Variants in MYEF2 observed in about 807,000 individuals in gnomAD.
MYEF2 encodes the protein myelin gene expression factor 2.
A neutral mutation model predicts 75.2 loss-of-function variants in MYEF2; 37 were observed. That is an observed-to-expected ratio of 0.49 (90% CI 0.38 to 0.65). The LOEUF (loss-of-function observed/expected upper bound fraction) is 0.65. MYEF2 is among the 30% of genes least tolerant of loss of function. The pLI is 0.00. For missense variants in MYEF2, 634 were observed against 771.4 expected, an observed-to-expected ratio of 0.82 and a Z score of 2.11; for synonymous variants, 195 against 241.6, an observed-to-expected ratio of 0.81 and a Z score of 1.79.
chr15:48,134,752 T>C lies in MYEF2; in HGVS notation c.*8156A>G, dbSNP rs1490145942. ...GTGTAAGTTAGAACACAATTTTACA[T>C]TTTTTTCTCTAAGCAATATGCAAAA... On this transcript the variant is annotated 3_prime_UTR_variant, in exon 17 of 17. Transcript: ENST00000324324. 9.8e-6 allele frequency: 8 copies of C among 814,430 alleles called. No homozygotes were observed. The highest frequency in any genetic ancestry group is 1.7e-5 in the African/African-American group (1 of 57,442). 50.5% of individuals were successfully genotyped at this position (814,430 alleles called of 1,614,324 possible).
Position 48,135,881 on chromosome 15 carries a change from C to T in MYEF2, c.*7027G>A, listed in dbSNP as rs2038886342. The T allele has an allele frequency of 6.6e-6, 1 of 152,118 alleles. No individual in the cohort carries two copies. The allele number at this position is 152,118 out of a possible 1,614,324, so 9.4% of individuals were successfully genotyped here. ...CTGTGTTGGTAGAATAGAAATCCTT[C>T]TAGAACTCAGCAGTTGTCTGTAAGG... On this transcript the variant is annotated 3_prime_UTR_variant, in exon 17 of 17. Coordinates refer to ENST00000324324, the MANE Select transcript of MYEF2 (RefSeq NM_016132.5).
intron 14 of MYEF2, among the ~76,000 whole-genome samples, chr15:48,150,760 G>A (rs1468603119): frequency 6.6e-6 from 1 of 152,042 alleles, no homozygotes; most frequent in Non-Finnish European, 1.5e-5. Flanking sequence ...AGCTATTATA[G>A]AAAATAAGCA....
At chr15:48,161,848 T>C (rs1426128466) in intron 5 of MYEF2, among the ~76,000 whole-genome samples, 1 of 147,380 alleles carries the variant, frequency 6.8e-6, no homozygotes, top group Non-Finnish European at 1.5e-5. Flanking sequence ...GCCATTATTT[T>C]AATTCAAAGC....
intron 16 of MYEF2, among the ~76,000 whole-genome samples, chr15:48,146,997 T>C (rs930074808): frequency 6.6e-6 from 1 of 151,882 alleles, no homozygotes; most frequent in South Asian, 2.1e-4. Context: ...ATATAAAATC[T>C]AAGAGTCAGA....
At chr15:48,167,503 T>C in intron 2 of MYEF2, 102 bp from the exon 3 acceptor site, 7 of 1,011,574 alleles carry the variant, frequency 6.9e-6, no homozygotes, top group Non-Finnish European at 1.0e-5. Context: ...GAGAAGCACC[T>C]ATTATTCACC....
chr15:48,159,389 T>C (rs899763309), intron 6 of MYEF2, among the ~76,000 whole-genome samples: 2 of 152,112 alleles, frequency 1.3e-5, no homozygotes, highest in South Asian at 2.1e-4. Context: ...CACAGTTCCA[T>C]GTTTAAAAAA....
rs756043366 is a variant in MYEF2 at position 48,158,087 on chromosome 15, AC to A, written c.922-32del. The A allele has an allele frequency of 2.5e-6, 4 of 1,608,740 alleles. No individual in the cohort carries two copies. The Admixed American group carries it at 6.7e-5, about 27-fold the overall frequency. On this transcript the variant is annotated intron_variant, in intron 8 of 16. Transcript: ENST00000324324. Reference sequence around the variant, plus strand: ...TGCAAGAAAGTTTATAATATGGTTAACATATTACCACAAAGAACTGTAATGT... The same window carrying A: ...TGCAAGAAAGTTTATAATATGGTTAAATATTACCACAAAGAACTGTAATGT...
At position 48,159,569 on chromosome 15, in the gene MYEF2, C is replaced by T. The variant is rs755189244; in HGVS notation, c.717+44G>A. The T allele has an allele frequency of 2.6e-6, 4 of 1,514,524 alleles. No individual in the cohort carries two copies. The Admixed American group carries it at 7.5e-5, about 28-fold the overall frequency. 93.8% of individuals were successfully genotyped at this position (1,514,524 alleles called of 1,614,324 possible). The stretch of plus-strand genomic sequence containing the variant: ...TAACTCATTCATTTAATCAAATTAG[C>T]TATCTATCTGAATGACAAATTTTAG... On this transcript the variant is annotated intron_variant, in intron 6 of 16. Coordinates refer to ENST00000324324, the MANE Select transcript of MYEF2 (RefSeq NM_016132.5).
rs183566272 is a variant in MYEF2, at chr15:48,159,739, G to T, written c.591C>A (p.His197Gln). 1.9e-6 allele frequency: 3 copies of T among 1,613,636 alleles called. No individual in the cohort carries two copies. The highest frequency in any genetic ancestry group is 2.2e-5 in the South Asian group (2 of 91,068). ...QRTGGSFPGG[H>Q]VPDMGSGLMN... ...TCAACCCTGATCCCATATCAGGGAC[G>T]TGTCCTCCTGGAAATGATCCTCCTG... The change falls in exon 6 of 17, where the codon CAC becomes CAA. Residue 197 changes from histidine to glutamine, a missense_variant. By Grantham distance (24) the His-to-Gln change is conservative. Transcript: ENST00000324324.
chr15:48,136,666 A>C lies in MYEF2; in HGVS notation c.*6242T>G, dbSNP rs984503831. ...ACTTTCACTTTTAATTTAAAAACACAAATTTCTCTTTTGTAGGTATGAAGG... is the reference window on the plus strand; with the variant it reads ...ACTTTCACTTTTAATTTAAAAACACCAATTTCTCTTTTGTAGGTATGAAGG... On this transcript the variant is annotated 3_prime_UTR_variant, in exon 17 of 17. Coordinates refer to ENST00000324324, the MANE Select transcript of MYEF2 (RefSeq NM_016132.5). 1 of 1,575,058 alleles carries C rather than the reference A, an allele frequency of 6.3e-7. No individual in the cohort carries two copies. Among genetic ancestry groups the C allele is most frequent in the African/African-American group, 1.4e-5 (1 of 73,108 alleles).
At position 48,159,203 on chromosome 15, in the gene MYEF2, G is replaced by A. The variant is rs115134813; in HGVS notation, c.718-281C>T. On this transcript the variant is annotated intron_variant, in intron 6 of 16. Coordinates refer to ENST00000324324, the MANE Select transcript of MYEF2 (RefSeq NM_016132.5). ...AAACTTGCATATCTATTTTTACCAA[G>A]AGAAATCCAGATTTTGAAAAGTATT... Among the ~76,000 whole-genome samples, 383 of 151,768 alleles carry A rather than the reference G, an allele frequency of 2.5e-3. 2 individuals carry two copies. Among genetic ancestry groups the A allele is most frequent in the African/African-American group, 8.9e-3 (367 of 41,372 alleles).
intron 1 of MYEF2, among the ~76,000 whole-genome samples, chr15:48,176,983 T>C (rs1036013777): frequency 6.6e-6 from 1 of 152,172 alleles, no homozygotes; most frequent in Non-Finnish European, 1.5e-5. Flanking sequence ...TGCCACCAAC[T>C]TTTACACAGA....
chr15:48,155,045 AT>A (rs1217015179), intron 9 of MYEF2, among the ~76,000 whole-genome samples: 1 of 152,124 alleles, frequency 6.6e-6, no homozygotes, highest in East Asian at 1.9e-4. Context: ...AGACAAAAAA[AT>A]AAGACACAAT....
chr15:48,177,988 TC>T (rs922838581), intron 1 of MYEF2, 88 bp downstream of exon 1: 26 of 1,483,728 alleles, frequency 1.8e-5, no homozygotes, highest in Non-Finnish European at 2.3e-5. Context: ...GGGGTGGTTG[TC>T]CCCCATCGGG....
At position 48,151,436 on chromosome 15, in the gene MYEF2, T is replaced by C. The variant is rs759564223; in HGVS notation, c.1306+37A>G. Reference sequence around the variant, plus strand: ...AAACCAAATTTCAAAAATTATAGCCTACAAAAAGAAAAGGAGAAGTATGCA... The same window carrying C: ...AAACCAAATTTCAAAAATTATAGCCCACAAAAAGAAAAGGAGAAGTATGCA... On this transcript the variant is annotated intron_variant, in intron 13 of 16. Transcript: ENST00000324324. 1.7e-5 allele frequency: 27 copies of C among 1,568,892 alleles called. No homozygotes were observed. The East Asian group carries it at 3.8e-4, about 22-fold the overall frequency.
chr15:48,153,571 C>G (rs973980646), intron 10 of MYEF2: 2 of 466,178 alleles, frequency 4.3e-6, no homozygotes, highest in South Asian at 6.1e-5. Flanking sequence ...AAAAGGCTAG[C>G]TACAACATAG....
chr15:48,151,497 A>C lies in MYEF2; in HGVS notation c.1282T>G (p.Phe428Val). The change falls in exon 13 of 17, where the codon TTT becomes GTT. Residue 428 changes from phenylalanine to valine, a missense_variant. Coordinates refer to ENST00000324324, the MANE Select transcript of MYEF2 (RefSeq NM_016132.5). ...GRGDIGINRG[F>V]GDSFGRLGSA... is the part of the protein sequence containing the mutation. ...CCAAGTCTACCAAAGGAATCTCCAAAGCCTCGATTTATTCCAATATCACCA... is the reference window on the plus strand; with the variant it reads ...CCAAGTCTACCAAAGGAATCTCCAACGCCTCGATTTATTCCAATATCACCA... 1 of 1,613,126 alleles carries C rather than the reference A, an allele frequency of 6.2e-7. No individual in the cohort carries two copies. The highest frequency in any genetic ancestry group is 8.5e-7 in the Non-Finnish European group (1 of 1,179,232).
intron 5 of MYEF2, among the ~76,000 whole-genome samples, chr15:48,164,784 T>G (rs905827474): frequency 1.3e-5 from 2 of 152,186 alleles, no homozygotes; most frequent in African/African-American, 4.8e-5. Context: ...AAAGTTCAAA[T>G]GATCACTAGC....
In MYEF2 at chr15:48,137,156, C is replaced by T. The variant is rs753326835; in HGVS notation, c.*5752G>A. ...AAATACAAAATAGCTAAAGTATGAA[C>T]GTTAAGTACCATAAAAAGAGAAAAA... On this transcript the variant is annotated 3_prime_UTR_variant, in exon 17 of 17. Coordinates refer to ENST00000324324, the MANE Select transcript of MYEF2 (RefSeq NM_016132.5). The T allele has an allele frequency of 7.2e-6, 4 of 557,582 alleles. No individual in the cohort carries two copies. Among genetic ancestry groups the T allele is most frequent in the Admixed American group, 7.3e-5 (2 of 27,560 alleles). 34.5% of individuals were successfully genotyped at this position (557,582 alleles called of 1,614,324 possible). A position where few individuals can be genotyped will look rare whatever the true frequency, so the allele number is the denominator to read the frequency against.
Sources: gnomAD v4.1 joint callset for allele counts (sites outside exome capture counted in the v4.1 genomes callset) on GRCh38, gnomAD v4.1.1 for gene constraint, MANE v1.5 for transcripts, NCBI Gene and HGNC (gene_info 2026-07-23, HGNC 2026-07-21) for gene names.